Variants in EPHA2 observed in about 807,000 individuals in gnomAD.
The protein encoded by EPHA2 is ephrin type-A receptor 2.
EPHA2 carries 54 observed loss-of-function variants against 104.9 expected under a neutral mutation model. The ratio of observed to expected loss-of-function variants is 0.51; its 90% CI spans 0.41 to 0.65. The LOEUF is 0.65. Among genes scored for constraint, EPHA2 ranks in the 30% least tolerant of loss-of-function variants. The probability of loss-of-function intolerance (pLI) is 0.00; values close to 1 mark genes in which losing one functional copy is unlikely to be tolerated. For synonymous variants in EPHA2, 560 were observed against 559.1 expected, an observed-to-expected ratio of 1.00 and a Z score of -0.02; for missense variants, 1,117 against 1,369.5, an observed-to-expected ratio of 0.82 and a Z score of 2.91.
At chr1:16,149,166 A>G in intron 2 of EPHA2, 119 bp from the exon 3 acceptor site, 1 of 1,098,652 alleles carries the variant, frequency 9.1e-7, no homozygotes, top group Non-Finnish European at 1.3e-6. Flanking sequence ...TCTACGGTGA[A>G]GGAAACTGAG....
intron 3 of EPHA2, among the ~76,000 whole-genome samples, chr1:16,144,208 A>T (rs2024885609): frequency 6.6e-6 from 1 of 152,138 alleles, no homozygotes; most frequent in South Asian, 2.1e-4. Context: ...CTTTGCCCCC[A>T]GTGTGAGCTG....
Position 16,125,376 on chromosome 1 carries a change from GGGCTGGGT to G in EPHA2, c.2826-64_2826-57del. The G allele has an allele frequency of 9.4e-7, 1 of 1,068,264 alleles. No homozygotes were observed. Among genetic ancestry groups the G allele is most frequent in the Non-Finnish European group, 1.4e-6 (1 of 727,018 alleles). 66.2% of individuals were successfully genotyped at this position (1,068,264 alleles called of 1,614,324 possible). A position where few individuals can be genotyped will look rare whatever the true frequency, so the allele number is the denominator to read the frequency against. On this transcript the variant is annotated intron_variant, in intron 16 of 16. Coordinates refer to ENST00000358432, the MANE Select transcript of EPHA2 (RefSeq NM_004431.5). This position sits in a 1 kb window ranked among gnomAD's most constrained non-coding sequence, Gnocchi z 4.9. ...AGGGGCTGGAGCAGGGGAGGGGGCC[GGGCTGGGT>G]GGGGACAGGACTCGGTGGGCGGCTG... is the stretch of plus-strand genomic sequence containing the variant.
chr1:16,127,709 C>T (rs1451410579), intron 16 of EPHA2, among the ~76,000 whole-genome samples: 1 of 152,146 alleles, frequency 6.6e-6, no homozygotes, highest in Non-Finnish European at 1.5e-5. Context: ...GCATGCAGGC[C>T]CCAGCTCTGA....
At position 16,129,561 on chromosome 1, in the gene EPHA2, C is replaced by T. The variant is rs779866830; in HGVS notation, c.2698G>A (p.Gly900Ser). The T allele has an allele frequency of 2.5e-5, 40 of 1,612,568 alleles. No individual in the cohort carries two copies. Among genetic ancestry groups the T allele is most frequent in the South Asian group, 3.3e-5 (3 of 91,070 alleles). Residue 900 changes from glycine to serine, a missense_variant, in exon 16 of 17, where the codon GGC (glycine) becomes AGC (serine). By Grantham distance (56) the Gly-to-Ser change is moderately conservative. This residue lies in a region of EPHA2 where 340 missense variants were observed against 480.5 expected (regional missense o/e 0.71). Transcript: ENST00000358432. ...RVSIRLPSTS[G>S]SEGVPFRTVS... ...GTGCGGAAGGGCACCCCCTCCGAGC[C>T]GCTCGTGCTGGGGAGCCGGATAGAC...
chr1:16,137,311 A>G (rs2024730887), intron 5 of EPHA2, among the ~76,000 whole-genome samples: 2 of 150,980 alleles, frequency 1.3e-5, no homozygotes, highest in Non-Finnish European at 2.9e-5. Context: ...AAAAAAAAAA[A>G]TTGCAGGCTG....
chr1:16,141,179 CTA>C (rs1215621274), intron 3 of EPHA2, among the ~76,000 whole-genome samples: 2 of 152,178 alleles, frequency 1.3e-5, no homozygotes, highest in African/African-American at 4.8e-5. Context: ...AGCTGTGGGT[CTA>C]TGTGTTGTGG....
At chr1:16,133,750 C>A (rs2024626507) in intron 9 of EPHA2, 110 bp downstream of exon 9, 2 of 1,486,208 alleles carry the variant, frequency 1.3e-6, no homozygotes, top group Non-Finnish European at 1.8e-6. Flanking sequence ...CCCACGGAAG[C>A]CTGTGGCCCC....
intron 3 of EPHA2, among the ~76,000 whole-genome samples, chr1:16,141,420 C>T (rs2024822316): frequency 6.6e-6 from 1 of 152,266 alleles, no homozygotes; most frequent in Non-Finnish European, 1.5e-5. Context: ...TCTCCTCCAC[C>T]AGATCTGTGA....
In EPHA2 at chr1:16,132,380, G is replaced by T. The variant is rs768514997; in HGVS notation, c.2113C>A (p.Arg705=). 16 of 1,614,128 alleles carry T rather than the reference G, an allele frequency of 9.9e-6. No individual in the cohort carries two copies. Among genetic ancestry groups the T allele is most frequent in the Non-Finnish European group, 1.3e-5 (15 of 1,180,020 alleles). The part of the protein sequence containing the change: ...MENGALDKFL[R]EKDGEFSVLQ... The stretch of plus-strand genomic sequence containing the variant: ...CCCCCTACAACCCACATCCTTACCC[G>T]AAGGAACTTGTCCAGGGCCCCATTC... The change falls in exon 12 of 17, where the codon CGG becomes AGG. Residue 705 remains arginine, a splice_region_variant and synonymous_variant. Transcript: ENST00000358432.
In EPHA2 at chr1:16,125,020, G is replaced by A. The variant is rs1355377451; in HGVS notation, c.*195C>T. The stretch of plus-strand genomic sequence containing the variant: ...GCTGTGTGCGTCTCGCAGGGAAAGA[G>A]GGCCCAGCCCAGCATCCCTGGTCAT... On this transcript the variant is annotated 3_prime_UTR_variant, in exon 17 of 17. Coordinates refer to ENST00000358432, the MANE Select transcript of EPHA2 (RefSeq NM_004431.5). This position sits in a 1 kb window ranked among gnomAD's most constrained non-coding sequence, Gnocchi z 4.9. 6.4e-6 allele frequency: 4 copies of A among 623,046 alleles called. No individual in the cohort carries two copies. Among genetic ancestry groups the A allele is most frequent in the African/African-American group, 5.5e-5 (3 of 54,862 alleles). The allele number at this position is 623,046 out of a possible 1,614,324, so 38.6% of individuals were successfully genotyped here. A position where few individuals can be genotyped will look rare whatever the true frequency, so the allele number is the denominator to read the frequency against.
In EPHA2 at chr1:16,156,034, G is replaced by A; in HGVS notation, c.-102C>T. Reference sequence around the variant, plus strand: ...TGTCCGCTCCCGCCCGCCGGCCTGCGCGCAACTTCTGCCCCTCCTGCCCCG... The same window carrying A: ...TGTCCGCTCCCGCCCGCCGGCCTGCACGCAACTTCTGCCCCTCCTGCCCCG... On this transcript the variant is annotated 5_prime_UTR_variant, in exon 1 of 17. Coordinates refer to ENST00000358432, the MANE Select transcript of EPHA2 (RefSeq NM_004431.5). 1 of 1,026,114 alleles carries A rather than the reference G, an allele frequency of 9.7e-7. No homozygotes were observed. The highest frequency in any genetic ancestry group is 1.3e-6 in the Non-Finnish European group (1 of 756,818). The allele number at this position is 1,026,114 out of a possible 1,614,324, so 63.6% of individuals were successfully genotyped here.
intron 3 of EPHA2, among the ~76,000 whole-genome samples, chr1:16,145,611 C>T (rs1295869737): frequency 6.6e-6 from 1 of 152,098 alleles, no homozygotes; most frequent in South Asian, 2.1e-4. Context: ...CTGTGCCTCC[C>T]TCTGGTTCTC....
In EPHA2 at chr1:16,133,314, T is replaced by C; in HGVS notation, c.1919A>G (p.Glu640Gly). 1 of 1,613,886 alleles carries C rather than the reference T, an allele frequency of 6.2e-7. No individual in the cohort carries two copies. The change falls in exon 11 of 17, where the codon GAG becomes GGG. Residue 640 changes from glutamate to glycine, a missense_variant. By Grantham distance (98) the Glu-to-Gly change is moderately conservative. Around this residue, in one of 3 missense-constraint regions of EPHA2, gnomAD observed 113 missense variants for 104.3 expected, o/e 1.08. Coordinates refer to ENST00000358432, the MANE Select transcript of EPHA2 (RefSeq NM_004431.5). ...GMLKTSSGKK[E>G]VPVAIKTLKA... ...CAGCGTCTTGATGGCCACCGGCACC[T>C]CCTTCTTCCCCGAGGATGTCTTCAG...
At chr1:16,126,982 C>T (rs555761997) in intron 16 of EPHA2, among the ~76,000 whole-genome samples, 4 of 152,230 alleles carry the variant, frequency 2.6e-5, no homozygotes, top group East Asian at 3.9e-4. Flanking sequence ...AATGCTTTAG[C>T]GGAGGTTGGG....
rs1403283561 is a variant in EPHA2, at chr1:16,150,388, A to G, written c.153+508T>C. On this transcript the variant is annotated intron_variant, in intron 2 of 16. Transcript: ENST00000358432. This position sits in a 1 kb window ranked among gnomAD's most constrained non-coding sequence, Gnocchi z 4.8. Reference sequence around the variant, plus strand: ...CGGCATAGAGGGGAAGACCTGGGTGAGAATGAGGCAGAGAAATGCAGCCCC... The same window carrying G: ...CGGCATAGAGGGGAAGACCTGGGTGGGAATGAGGCAGAGAAATGCAGCCCC... Among the ~76,000 whole-genome samples, 1 of 152,180 alleles carries G rather than the reference A, an allele frequency of 6.6e-6. No individual in the cohort carries two copies. The highest frequency in any genetic ancestry group is 1.5e-5 in the Non-Finnish European group (1 of 68,032).
At position 16,138,289 on chromosome 1, in the gene EPHA2, G is replaced by A. The variant is rs1338865281; in HGVS notation, c.965C>T (p.Ser322Leu). ...GCAAGACTCACGTGTGCAAGGCATC[G>A]ACGCTGGGTCCTGAGGTGCCCGGAA... ...GFFRAPQDPA[S>L]MPCTRPPSAP... The change falls in exon 4 of 17, where the codon TCG becomes TTG. Residue 322 changes from serine to leucine, a missense_variant. By Grantham distance (145) the Ser-to-Leu change is moderately radical. Coordinates refer to ENST00000358432, the MANE Select transcript of EPHA2 (RefSeq NM_004431.5). The A allele has an allele frequency of 5.6e-6, 9 of 1,613,454 alleles. No individual in the cohort carries two copies. Among genetic ancestry groups the A allele is most frequent in the Admixed American group, 1.7e-5 (1 of 59,986 alleles).
chr1:16,135,243 C>G lies in EPHA2; in HGVS notation c.1429-54G>C. The G allele has an allele frequency of 6.2e-7, 1 of 1,609,406 alleles. No homozygotes were observed. Among genetic ancestry groups the G allele is most frequent in the South Asian group, 1.1e-5 (1 of 90,856 alleles). ...GGCAGTGAGGGCAGGGCAGGGGCCT[C>G]GGCTCAGCCCGCTGGAGACCACCCC... On this transcript the variant is annotated intron_variant, in intron 6 of 16. Transcript: ENST00000358432. The surrounding 1 kb of genome is among the most constrained non-coding windows in gnomAD (Gnocchi z 4.3).
chr1:16,133,021 G>A, intron 11 of EPHA2, 159 bp downstream of exon 11: 1 of 989,068 alleles, frequency 1.0e-6, no homozygotes, highest in South Asian at 1.5e-5. Context: ...TTAGGAGGTG[G>A]GTACAGGTAT....
Position 16,138,318 on chromosome 1 carries a change from G to A in EPHA2, c.936C>T (p.Gly312=). ...EGATSCECEE[G]FFRAPQDPAS... is the part of the protein sequence containing the mutation. ...CTGGGTCCTGAGGTGCCCGGAAGAA[G>A]CCTTCCTCACACTCGCAGGAGGTGG... Residue 312 remains glycine, a synonymous_variant, in exon 4 of 17, where the codon GGC becomes GGT. Transcript: ENST00000358432. 6.2e-7 allele frequency: 1 copy of A among 1,613,756 alleles called. No individual in the cohort carries two copies. The highest frequency in any genetic ancestry group is 1.3e-5 in the African/African-American group (1 of 75,054).
Sources: allele counts gnomAD v4.1 joint callset (sites outside exome capture counted in the v4.1 genomes callset), GRCh38; gene constraint gnomAD v4.1.1; regional missense constraint gnomAD v4.1.1; non-coding constraint Gnocchi (gnomAD v3.1); transcripts MANE v1.5; gene names NCBI Gene and HGNC (gene_info 2026-07-23, HGNC 2026-07-21).